Variants in NFIL3 observed in about 807,000 individuals in gnomAD.
NFIL3 encodes the protein nuclear factor interleukin-3-regulated protein.
Under a neutral mutation model 10.0 loss-of-function variants are expected in NFIL3, and 5 were observed. The observed-to-expected ratio is 0.50, with a 90% CI of 0.26 to 1.06. NFIL3 has a LOEUF of 1.06. Among genes scored for constraint, NFIL3 ranks in the 50% least tolerant of loss-of-function variants. NFIL3 has a pLI of 0.13. For missense variants in NFIL3, 436 were observed against 547.6 expected, an observed-to-expected ratio of 0.80 and a Z score of 2.03; for synonymous variants, 202 against 206.5, an observed-to-expected ratio of 0.98 and a Z score of 0.19.
the NFIL3 span, among the ~76,000 whole-genome samples, chr9:91,467,227 T>G: frequency 6.6e-6 from 1 of 151,972 alleles, no homozygotes; most frequent in East Asian, 1.9e-4. Context: ...TGTGTGTAAA[T>G]GCATATGTGT....
At chr9:91,441,952 C>T in the NFIL3 span, among the ~76,000 whole-genome samples, 1 of 152,090 alleles carries the variant, frequency 6.6e-6, no homozygotes, top group Admixed American at 6.6e-5. Flanking sequence ...TTGGAGTATT[C>T]TGAATTTGAG....
the NFIL3 span, among the ~76,000 whole-genome samples, chr9:91,471,859 G>A: frequency 6.6e-6 from 1 of 152,118 alleles, no homozygotes. Context: ...TCCTTTCCAT[G>A]TTTAGTGCTT....
the NFIL3 span, among the ~76,000 whole-genome samples, chr9:91,480,559 TA>T: frequency 2.0e-5 from 3 of 151,918 alleles, no homozygotes; most frequent in Admixed American, 6.6e-5. Context: ...GAGCTAAATA[TA>T]AAAAACAACA....
chr9:91,420,968 A>G (rs1244163364), intron 1 of NFIL3, among the ~76,000 whole-genome samples: 4 of 152,124 alleles, frequency 2.6e-5, no homozygotes, highest in African/African-American at 4.8e-5. Context: ...TTTAATCACT[A>G]TCAATACTGG....
the NFIL3 span, among the ~76,000 whole-genome samples, chr9:91,469,312 C>G: frequency 6.6e-6 from 1 of 152,134 alleles, no homozygotes; most frequent in Non-Finnish European, 1.5e-5. Context: ...GGAGTTCACT[C>G]ATGATTTGGC....
At chr9:91,425,513 C>A (rs918768674), upstream of NFIL3, among the ~76,000 whole-genome samples, 1 of 152,180 alleles carries the variant, frequency 6.6e-6, no homozygotes, top group South Asian at 2.1e-4. Context: ...ATGGGCTTAG[C>A]GTGTTCCCCG....
chr9:91,443,871 T>C, the NFIL3 span, among the ~76,000 whole-genome samples: 1 of 152,224 alleles, frequency 6.6e-6, no homozygotes, highest in Non-Finnish European at 1.5e-5. Flanking sequence ...GCAGCTGCCA[T>C]CATTTACTTT....
chr9:91,410,207 A>G lies in NFIL3; in HGVS notation c.528T>C (p.Ile176=). The G allele has an allele frequency of 6.2e-7, 1 of 1,614,196 alleles. No homozygotes were observed. Among genetic ancestry groups the G allele is most frequent in the Non-Finnish European group, 8.5e-7 (1 of 1,180,026 alleles). ...TTTGTGGAGAGTGTTTAATGACAGA[A>G]ATACAACTACTTGACACCATCGAGG... is the stretch of plus-strand genomic sequence containing the variant. ...HEPSMVSSSC[I]SVIKHSPQSS... Residue 176 remains isoleucine, a synonymous_variant, in exon 2 of 2, where the codon ATT becomes ATC. Coordinates refer to ENST00000297689, the MANE Select transcript of NFIL3 (RefSeq NM_005384.3). The surrounding 1 kb of genome is among the most constrained non-coding windows in gnomAD (Gnocchi z 5.7).
chr9:91,482,659 G>A, the NFIL3 span, among the ~76,000 whole-genome samples: 17 of 151,718 alleles, frequency 1.1e-4, no homozygotes, highest in Admixed American at 7.2e-4. Flanking sequence ...CCACCAACAC[G>A]CCCGACTAAT....
chr9:91,445,204 C>T, the NFIL3 span, among the ~76,000 whole-genome samples: 3 of 152,116 alleles, frequency 2.0e-5, no homozygotes, highest in Non-Finnish European at 4.4e-5. Context: ...GGGAGCAAGG[C>T]ACAACTGCAG....
chr9:91,475,187 T>G, the NFIL3 span, among the ~76,000 whole-genome samples: 21 of 152,348 alleles, frequency 1.4e-4, no homozygotes, highest in Middle Eastern at 3.4e-3. Flanking sequence ...TCCAACCATT[T>G]CATGTACTCA....
the NFIL3 span, among the ~76,000 whole-genome samples, chr9:91,482,534 T>C: frequency 2.0e-5 from 3 of 152,058 alleles, no homozygotes; most frequent in Non-Finnish European, 4.4e-5. Flanking sequence ...AGTTTTGCTC[T>C]TGTCGCCCAG....
At chr9:91,456,434 T>C in the NFIL3 span, among the ~76,000 whole-genome samples, 1 of 152,168 alleles carries the variant, frequency 6.6e-6, no homozygotes, top group South Asian at 2.1e-4. Flanking sequence ...TTAATAGCTA[T>C]ATTATGGTAT....
At chr9:91,471,561 G>A in the NFIL3 span, among the ~76,000 whole-genome samples, 2 of 149,660 alleles carry the variant, frequency 1.3e-5, no homozygotes, top group African/African-American at 4.9e-5. Context: ...TGTGCACAAC[G>A]AGCAGGTTTG....
At chr9:91,481,544 T>C in the NFIL3 span, among the ~76,000 whole-genome samples, 7 of 152,172 alleles carry the variant, frequency 4.6e-5, no homozygotes, top group Admixed American at 1.3e-4. Context: ...AATATTTCAA[T>C]ATTCGGGTTA....
At chr9:91,422,871 C>A (rs1833794967) in intron 1 of NFIL3, among the ~76,000 whole-genome samples, 1 of 152,170 alleles carries the variant, frequency 6.6e-6, no homozygotes, top group Non-Finnish European at 1.5e-5. Flanking sequence ...TTATTTGGGA[C>A]GTAATATAGA....
chr9:91,450,291 G>T, the NFIL3 span, among the ~76,000 whole-genome samples: 2 of 151,916 alleles, frequency 1.3e-5, no homozygotes, highest in Non-Finnish European at 2.9e-5. Context: ...AAGATATAAA[G>T]TTAGGCTACT....
Position 91,410,379 on chromosome 9 carries a change from A to G in NFIL3, c.356T>C (p.Leu119Pro). The G allele has an allele frequency of 6.2e-7, 1 of 1,613,794 alleles. No individual in the cohort carries two copies. The highest frequency in any genetic ancestry group is 8.5e-7 in the Non-Finnish European group (1 of 1,179,946). The stretch of plus-strand genomic sequence containing the variant: ...ACCAAACTTTAATTTTAGTGAAAGC[A>G]GCTCAGCTTTTAAAGTGGCGTTTTC... ...GEENATLKAE[L>P]LSLKLKFGLI... Residue 119 changes from leucine to proline, a missense_variant, in exon 2 of 2, where the codon CTG (leucine) becomes CCG (proline). Coordinates refer to ENST00000297689, the MANE Select transcript of NFIL3 (RefSeq NM_005384.3). The surrounding 1 kb of genome is among the most constrained non-coding windows in gnomAD (Gnocchi z 5.7).
chr9:91,478,601 CGGA>C, the NFIL3 span, among the ~76,000 whole-genome samples: 1 of 151,898 alleles, frequency 6.6e-6, no homozygotes, highest in Non-Finnish European at 1.5e-5. Flanking sequence ...TCCTTTAGCT[CGGA>C]GGAGTTTGTT....
Sources: gnomAD v4.1 joint callset for allele counts (sites outside exome capture counted in the v4.1 genomes callset) on GRCh38, gnomAD v4.1.1 for gene constraint, Gnocchi (gnomAD v3.1) non-coding constraint, MANE v1.5 for transcripts, NCBI Gene and HGNC (gene_info 2026-07-23, HGNC 2026-07-21) for gene names.